The following CNBD1 variants were observed in gnomAD, a reference collection of about 807,000 sequenced individuals.
CNBD1 encodes cyclic nucleotide-binding domain-containing protein 1.
A neutral mutation model predicts 54.4 loss-of-function variants in CNBD1; 71 were observed. That is an observed-to-expected ratio of 1.30 (90% CI 1.08 to 1.59). The LOEUF is 1.59. Ranked by LOEUF, CNBD1 falls within the 40% of genes most tolerant of loss-of-function variation. CNBD1 has a pLI of 0.00. For missense variants in CNBD1, 659 were observed against 518.0 expected (o/e 1.27, Z -2.64); for synonymous variants, 182 against 170.7 (o/e 1.07, Z -0.51).
At chr8:86,940,605 A>T (rs1809637172) in intron 4 of CNBD1, among the ~76,000 whole-genome samples, 1 of 152,206 alleles carries the variant, frequency 6.6e-6, no homozygotes, top group Non-Finnish European at 1.5e-5. Flanking sequence ...AATAAAATTA[A>T]ACGAGTACCA....
rs1176509450 is a variant in CNBD1 at position 87,166,777 on chromosome 8, C to T, written c.432-39216C>T. ...CCGTTGCATATTTTGTTTACCCTTG[C>T]ATTTCTCTGAGAGATGCCTGCTATG... is the stretch of plus-strand genomic sequence containing the variant. On this transcript the variant is annotated intron_variant, in intron 4 of 10. Transcript: ENST00000518476. The surrounding 1 kb of genome is among the most constrained non-coding windows in gnomAD (Gnocchi z 4.3). Among the ~76,000 whole-genome samples, 1 of 151,918 alleles carries T rather than the reference C, an allele frequency of 6.6e-6. No homozygotes were observed. The highest frequency in any genetic ancestry group is 1.9e-4 in the East Asian group (1 of 5,178).
intron 4 of CNBD1, among the ~76,000 whole-genome samples, chr8:86,989,377 CT>C (rs1808689050): frequency 6.6e-6 from 1 of 152,098 alleles, no homozygotes; most frequent in African/African-American, 2.4e-5. Context: ...GACTTCCTTT[CT>C]TTTGGGTATA....
chr8:87,080,184 T>C (rs370574263), intron 4 of CNBD1, among the ~76,000 whole-genome samples: 2 of 152,222 alleles, frequency 1.3e-5, no homozygotes, highest in African/African-American at 2.4e-5. Flanking sequence ...ATTGTCTCGA[T>C]TGGTGTAGTT....
intron 2 of CNBD1, among the ~76,000 whole-genome samples, chr8:86,892,360 A>C (rs1424709619): frequency 6.6e-6 from 1 of 152,114 alleles, no homozygotes; most frequent in East Asian, 1.9e-4. Flanking sequence ...TTATAAATTA[A>C]TTGTCAAGCA....
intron 4 of CNBD1, among the ~76,000 whole-genome samples, chr8:87,062,321 G>A (rs911512197): frequency 2.0e-5 from 3 of 151,572 alleles, no homozygotes; most frequent in Non-Finnish European, 2.9e-5. Flanking sequence ...TGAGTTTGTT[G>A]TATGTTTGCA....
intron 4 of CNBD1, among the ~76,000 whole-genome samples, chr8:87,059,711 T>A (rs1402241376): frequency 6.6e-6 from 1 of 152,244 alleles, no homozygotes; most frequent in Non-Finnish European, 1.5e-5. Context: ...TACCTCCCAC[T>A]GGGTTCCTCC....
chr8:87,233,049 A>G (rs923575051), intron 5 of CNBD1, among the ~76,000 whole-genome samples: 3 of 152,208 alleles, frequency 2.0e-5, no homozygotes, highest in African/African-American at 7.2e-5. Context: ...AAATTTGGTT[A>G]TGTATATTAG....
At chr8:86,871,515 T>A (rs1808443538) in intron 1 of CNBD1, among the ~76,000 whole-genome samples, 1 of 152,226 alleles carries the variant, frequency 6.6e-6, no homozygotes, top group African/African-American at 2.4e-5. Flanking sequence ...TACAATCTAT[T>A]TTCCACAATC....
chr8:86,958,075 T>C (rs1807826367), intron 4 of CNBD1, among the ~76,000 whole-genome samples: 1 of 152,234 alleles, frequency 6.6e-6, no homozygotes, highest in Non-Finnish European at 1.5e-5. Flanking sequence ...TCTGCCTTCA[T>C]TTCATTATGT....
chr8:87,299,769 G>A lies in CNBD1; in HGVS notation c.1042+13098G>A, dbSNP rs77443317. 8.3e-3 allele frequency among the ~76,000 whole-genome samples: 1,267 copies of A among 152,222 alleles called. 32 individuals carry two copies. Among genetic ancestry groups the A allele is most frequent in the African/African-American group, 0.029 (1,212 of 41,534 alleles). ...GGTACTACTTTCTCATGGCAGATGT[G>A]GCCCTATGCTAGGGAACACATAGTG... On this transcript the variant is annotated intron_variant, in intron 8 of 10. Coordinates refer to ENST00000518476, the MANE Select transcript of CNBD1 (RefSeq NM_173538.3).
chr8:87,325,625 C>T (rs923221838), intron 8 of CNBD1, among the ~76,000 whole-genome samples: 1 of 132,122 alleles, frequency 7.6e-6, no homozygotes, highest in East Asian at 2.0e-4. Flanking sequence ...AGGATTGCAA[C>T]CCCTGCCTTT....
intron 4 of CNBD1, among the ~76,000 whole-genome samples, chr8:86,967,603 C>A (rs1401794316): frequency 6.6e-6 from 1 of 152,214 alleles, no homozygotes; most frequent in African/African-American, 2.4e-5. Context: ...AGCATTCTTT[C>A]TTTTACAGTG....
intron 4 of CNBD1, among the ~76,000 whole-genome samples, chr8:86,976,255 T>C (rs970351256): frequency 6.6e-6 from 1 of 151,408 alleles, no homozygotes; most frequent in African/African-American, 2.4e-5. Flanking sequence ...TTGTCTATTT[T>C]TGCTTTTGTC....
intron 10 of CNBD1, among the ~76,000 whole-genome samples, chr8:87,381,315 CA>C (rs111727108): frequency 0.019 from 2,871 of 152,050 alleles, 93 homozygotes; most frequent in African/African-American, 0.062. Context: ...AAAATGCAAA[CA>C]AAACCACAGT....
intron 9 of CNBD1, among the ~76,000 whole-genome samples, 153 bp from the exon 10 acceptor site, chr8:87,353,483 T>C (rs1810348023): frequency 6.6e-6 from 1 of 152,214 alleles, no homozygotes; most frequent in Non-Finnish European, 1.5e-5. Context: ...AATGCTTATG[T>C]AAGTAAATTT....
chr8:86,961,908 A>G (rs939918080), intron 4 of CNBD1, among the ~76,000 whole-genome samples: 16 of 152,232 alleles, frequency 1.1e-4, no homozygotes, highest in African/African-American at 2.9e-4. Flanking sequence ...AAGGAGATTC[A>G]GTACTTGTAA....
At chr8:87,277,190 C>G (rs7846395) in intron 6 of CNBD1, among the ~76,000 whole-genome samples, 42,622 of 151,300 alleles carry the variant, frequency 0.28, 6,451 homozygotes, top group African/African-American at 0.39. Context: ...GTCCAAGTTT[C>G]AGTATGATGG....
intron 4 of CNBD1, among the ~76,000 whole-genome samples, chr8:87,061,649 G>A (rs1810550416): frequency 6.6e-6 from 1 of 152,176 alleles, no homozygotes; most frequent in South Asian, 2.1e-4. Flanking sequence ...TGTAGGGTAA[G>A]CTGATGACAT....
intron 5 of CNBD1, among the ~76,000 whole-genome samples, chr8:87,220,676 A>G (rs1244199772): frequency 6.6e-6 from 1 of 151,860 alleles, no homozygotes; most frequent in Non-Finnish European, 1.5e-5. Flanking sequence ...ATAACTGCAT[A>G]TTTTTGTCAT....
Sources: gnomAD v4.1 joint callset for allele counts (sites outside exome capture counted in the v4.1 genomes callset) on GRCh38, gnomAD v4.1.1 for gene constraint, Gnocchi (gnomAD v3.1) non-coding constraint, MANE v1.5 for transcripts, NCBI Gene and HGNC (gene_info 2026-07-23, HGNC 2026-07-21) for gene names.